Variants in ZFHX3 observed in about 807,000 individuals in gnomAD.
ZFHX3 encodes zinc finger homeobox 3.
In ZFHX3, 42 loss-of-function variants were observed where a neutral mutation model predicts 279.1. The observed-to-expected ratio is 0.15, with a 90% CI of 0.12 to 0.19. ZFHX3 has a LOEUF of 0.19. Ranked by LOEUF, ZFHX3 falls within the 10% of genes least tolerant of loss-of-function variation. The pLI, the probability that ZFHX3 is intolerant of heterozygous loss-of-function variation, is 1.00. For synonymous variants in ZFHX3, 2,293 were observed against 1,957.8 expected, an observed-to-expected ratio of 1.17 and a Z score of -4.52; for missense variants, 4,981 against 4,754.0, an observed-to-expected ratio of 1.05 and a Z score of -1.40.
Position 72,794,152 on chromosome 16 carries a change from CTG to C in ZFHX3, c.8528_8529del (p.Thr2843ArgfsTer12), listed in dbSNP as rs1290739132. 6.2e-7 allele frequency: 1 copy of C among 1,614,172 alleles called. No individual in the cohort carries two copies. The stretch of plus-strand genomic sequence containing the variant: ...TTGCCCTCGTCTCCAGTTGTGGTAT[CTG>C]TGATTGCTGTGTTGACAGAGGAACA... ...DDCSSVNTAI[T>X]DTTTGDEGNA... On this transcript the variant is annotated frameshift_variant, in exon 9 of 10. Coordinates refer to ENST00000268489, the MANE Select transcript of ZFHX3 (RefSeq NM_006885.4). LOFTEE classifies it high-confidence loss of function. This position sits in a 1 kb window ranked among gnomAD's most constrained non-coding sequence, Gnocchi z 4.2.
chr16:73,446,185 A>C (rs2018182121), intron 3 of ZFHX3, among the ~76,000 whole-genome samples: 1 of 152,176 alleles, frequency 6.6e-6, no homozygotes, highest in African/African-American at 2.4e-5. Flanking sequence ...TGGATCACAG[A>C]ATCTTCCTGC....
rs942455046 is a variant in ZFHX3, at chr16:73,768,813, G to A, written c.-1607-88573C>T. ...CCAACTATAAGTGATGAGTAGTGGC[G>A]ACCTACAGCATTGCACTGAGAGAAA... On this transcript the variant is annotated intron_variant, in intron 1 of 17. Transcript: ENST00000641206. 5.3e-5 allele frequency among the ~76,000 whole-genome samples: 8 copies of A among 152,084 alleles called. No homozygotes were observed. The South Asian group carries it at 6.2e-4, about 12-fold the overall frequency.
chr16:73,331,835 GT>G (rs1426279802), intron 3 of ZFHX3, among the ~76,000 whole-genome samples: 1 of 152,162 alleles, frequency 6.6e-6, no homozygotes, highest in African/African-American at 2.4e-5. Flanking sequence ...ATATCTGGGG[GT>G]TAGAAAAAGA....
At chr16:73,862,602 C>T (rs1961912557) in intron 1 of ZFHX3, among the ~76,000 whole-genome samples, 2 of 151,930 alleles carry the variant, frequency 1.3e-5, no homozygotes, top group Admixed American at 6.6e-5. Context: ...CAGTAAGACC[C>T]CATCTCCACA....
intron 2 of ZFHX3, among the ~76,000 whole-genome samples, chr16:72,953,162 A>T (rs929295934): frequency 1.3e-5 from 2 of 152,228 alleles, no homozygotes; most frequent in South Asian, 4.1e-4. Context: ...AGCAAGCCAC[A>T]GAAATCTTTT....
At chr16:73,482,139 G>A (rs545571079) in intron 2 of ZFHX3, among the ~76,000 whole-genome samples, 50 of 152,296 alleles carry the variant, frequency 3.3e-4, no homozygotes, top group South Asian at 2.5e-3. Flanking sequence ...AAAGGGAAGG[G>A]CAGAGGGAAG....
intron 5 of ZFHX3, among the ~76,000 whole-genome samples, chr16:73,166,273 C>T (rs1258537661): frequency 6.6e-6 from 1 of 152,060 alleles, no homozygotes; most frequent in Non-Finnish European, 1.5e-5. Flanking sequence ...ATTTATGGGG[C>T]TTCATACACC....
intron 2 of ZFHX3, among the ~76,000 whole-genome samples, chr16:73,513,071 G>T (rs1394479209): frequency 6.6e-6 from 1 of 152,166 alleles, no homozygotes; most frequent in African/African-American, 2.4e-5. Context: ...ATCACTCAAG[G>T]CAGAGTGGTT....
intron 2 of ZFHX3, among the ~76,000 whole-genome samples, chr16:73,657,672 C>T (rs1163674903): frequency 1.3e-5 from 2 of 152,124 alleles, no homozygotes; most frequent in African/African-American, 4.8e-5. Context: ...TTTGCCTATT[C>T]TGAACATTTA....
intron 5 of ZFHX3, among the ~76,000 whole-genome samples, chr16:73,178,679 G>A (rs542497960): frequency 1.3e-5 from 2 of 152,240 alleles, no homozygotes; most frequent in East Asian, 1.9e-4. Flanking sequence ...GTTGAGACCA[G>A]GTCTCACTAT....
At chr16:73,784,781 C>CAAAA (rs1359742885) in intron 1 of ZFHX3, among the ~76,000 whole-genome samples, 4 of 90,478 alleles carry the variant, frequency 4.4e-5, no homozygotes, top group African/African-American at 3.6e-4. Flanking sequence ...CTATTTTTAA[C>CAAAA]AAAATAAAAA....
chr16:73,141,906 G>A (rs989347536), intron 6 of ZFHX3, among the ~76,000 whole-genome samples: 1 of 152,142 alleles, frequency 6.6e-6, no homozygotes, highest in African/African-American at 2.4e-5. Flanking sequence ...AAAGAGCAGG[G>A]TGGTTTAGGA....
chr16:73,710,368 T>C (rs969943564), intron 1 of ZFHX3, among the ~76,000 whole-genome samples: 2 of 152,146 alleles, frequency 1.3e-5, no homozygotes, highest in African/African-American at 4.8e-5. Context: ...CTCTTACCCA[T>C]TTTTAACTAT....
intron 2 of ZFHX3, among the ~76,000 whole-genome samples, chr16:73,517,307 TA>T (rs1463141849): frequency 1.3e-5 from 2 of 152,192 alleles, no homozygotes; most frequent in African/African-American, 4.8e-5. Context: ...TCCTTTGCAC[TA>T]GAAATATTTA....
chr16:73,253,418 C>A (rs1371845136), intron 5 of ZFHX3, among the ~76,000 whole-genome samples: 1 of 151,346 alleles, frequency 6.6e-6, no homozygotes, highest in Admixed American at 6.6e-5. Context: ...ACAAATGGTG[C>A]ATCAGTTGGA....
Position 72,796,005 on chromosome 16 carries a change from G to C in ZFHX3, c.6677C>G (p.Ser2226Cys). ...ITSLEELKID[S>C]RPPSPEPPKQ... ...TGGAGGTTCCGGCGAAGGGGGCCGG[G>C]AGTCAATCTTGAGCTCCTCCAGGCT... The change falls in exon 9 of 10, where the codon TCC (serine) becomes TGC (cysteine). Residue 2226 changes from serine (S) to cysteine (C), a missense_variant. This residue lies in a region of ZFHX3 where 177 missense variants were observed against 244.2 expected (regional missense o/e 0.72). Coordinates refer to ENST00000268489, the MANE Select transcript of ZFHX3 (RefSeq NM_006885.4). 1 of 1,614,150 alleles carries C rather than the reference G, an allele frequency of 6.2e-7. No homozygotes were observed. Among genetic ancestry groups the C allele is most frequent in the Non-Finnish European group, 8.5e-7 (1 of 1,180,028 alleles).
chr16:72,958,712 T>G lies in ZFHX3; in HGVS notation c.1434A>C (p.Glu478Asp). ...EEEEAEEEEE[E>D]EEEEEEEEED... is the part of the protein sequence containing the mutation. The stretch of plus-strand genomic sequence containing the variant: ...CCTCCTCCTCTTCTTCCTCCTCCTC[T>G]TCTTCCTCCTCCTCCTCCGCCTCTT... The change falls in exon 2 of 10, where the codon GAA (glutamate) becomes GAC (aspartate). Residue 478 changes from glutamate to aspartate, a missense_variant. Physicochemically the swap from Glu to Asp is conservative, Grantham distance 45 (BLOSUM62 2). Transcript: ENST00000268489. 2 of 1,611,950 alleles carry G rather than the reference T, an allele frequency of 1.2e-6. No homozygotes were observed. The highest frequency in any genetic ancestry group is 2.2e-5 in the South Asian group (2 of 90,890).
chr16:73,397,717 A>G (rs2017158191), intron 3 of ZFHX3, among the ~76,000 whole-genome samples: 1 of 151,444 alleles, frequency 6.6e-6, no homozygotes, highest in South Asian at 2.1e-4. Context: ...TCTGACTGAC[A>G]GATTGGAAGT....
At chr16:73,853,743 G>A (rs1335521436) in intron 1 of ZFHX3, among the ~76,000 whole-genome samples, 2 of 152,030 alleles carry the variant, frequency 1.3e-5, no homozygotes, top group East Asian at 1.9e-4. Context: ...TGACTATTTG[G>A]GTAATGGGTA....
Sources: gnomAD v4.1 joint callset for allele counts (sites outside exome capture counted in the v4.1 genomes callset) on GRCh38, gnomAD v4.1.1 for gene constraint, gnomAD v4.1.1 regional missense constraint, Gnocchi (gnomAD v3.1) non-coding constraint, MANE v1.5 for transcripts, NCBI Gene and HGNC (gene_info 2026-07-23, HGNC 2026-07-21) for gene names.